TOM1L1: variants seen among roughly 807,000 people sequenced by gnomAD.
The protein encoded by TOM1L1 is target of myb1 like 1 membrane trafficking protein.
TOM1L1 carries 64 observed loss-of-function variants against 63.4 expected under a neutral mutation model. The observed-to-expected ratio is 1.01, with a 90% CI of 0.83 to 1.24. The LOEUF is 1.24. Ranked by LOEUF, TOM1L1 falls within the 50% of genes most tolerant of loss-of-function variation. The pLI, the probability that TOM1L1 is intolerant of heterozygous loss-of-function variation, is 0.00. For missense variants in TOM1L1, 536 were observed against 567.0 expected, an observed-to-expected ratio of 0.95 and a Z score of 0.55; for synonymous variants, 166 against 194.4, an observed-to-expected ratio of 0.85 and a Z score of 1.22.
Position 54,912,658 on chromosome 17 carries a change from TA to T in TOM1L1, c.223-6del. On this transcript the variant is annotated splice_region_variant and splice_polypyrimidine_tract_variant and intron_variant, in intron 3 of 15. Coordinates refer to ENST00000575882, the MANE Select transcript of TOM1L1 (RefSeq NM_005486.3). ...TAAATATAATGTTTAATTTTTTTTC[TA>T]ATTTAGCTTATTGACATGTGTGTGC... is the stretch of plus-strand genomic sequence containing the variant. 1 of 1,517,838 alleles carries T rather than the reference TA, an allele frequency of 6.6e-7. No individual in the cohort carries two copies. The allele number at this position is 1,517,838 out of a possible 1,614,324, so 94.0% of individuals were successfully genotyped here.
At chr17:54,902,708 G>A (rs573086887) in intron 1 of TOM1L1, among the ~76,000 whole-genome samples, 1 of 152,244 alleles carries the variant, frequency 6.6e-6, no homozygotes, top group Admixed American at 6.5e-5. Flanking sequence ...CCCAGAACCC[G>A]GTGTTTTCAT....
chr17:54,909,718 C>T (rs2048467656), intron 3 of TOM1L1, among the ~76,000 whole-genome samples: 1 of 152,062 alleles, frequency 6.6e-6, no homozygotes, highest in Admixed American at 6.6e-5. Flanking sequence ...AGTGATTTGC[C>T]CAGCCAAGCC....
At chr17:54,942,032 G>A (rs2049039183) in intron 11 of TOM1L1, among the ~76,000 whole-genome samples, 1 of 152,080 alleles carries the variant, frequency 6.6e-6, no homozygotes, top group African/African-American at 2.4e-5. Context: ...GAAAAAGTGG[G>A]TGATGCAGTT....
intron 3 of TOM1L1, among the ~76,000 whole-genome samples, chr17:54,906,297 C>T (rs558267560): frequency 4.7e-4 from 72 of 152,152 alleles, no homozygotes; most frequent in Non-Finnish European, 7.1e-4. Flanking sequence ...GGTGAAACCC[C>T]GTCTCTACTA....
At chr17:54,954,232 A>C (rs1051687832) in intron 14 of TOM1L1, 6 of 152,222 alleles carry the variant, frequency 3.9e-5, no homozygotes, top group Admixed American at 1.3e-4. Context: ...CGGTCTGCAC[A>C]CCTGGCCAGG....
intron 15 of TOM1L1, 31 bp downstream of exon 15, chr17:54,960,658 C>A (rs2077097445): frequency 4.1e-5 from 60 of 1,473,102 alleles, no homozygotes; most frequent in Non-Finnish European, 5.6e-5. Flanking sequence ...AACTTAATTC[C>A]ATATTCCATA....
chr17:54,952,105 T>C (rs1168019721), intron 14 of TOM1L1: 2 of 152,182 alleles, frequency 1.3e-5, no homozygotes, highest in Non-Finnish European at 2.9e-5. Flanking sequence ...AGTTGAAATT[T>C]TTCTAATCTG....
chr17:54,935,175 A>G (rs2143885123), intron 8 of TOM1L1, among the ~76,000 whole-genome samples: 1 of 152,320 alleles, frequency 6.6e-6, no homozygotes, highest in South Asian at 2.1e-4. Flanking sequence ...AAAATGAGTC[A>G]GCAAAGGGAG....
intron 7 of TOM1L1, among the ~76,000 whole-genome samples, chr17:54,920,894 A>G (rs1032712148): frequency 2.0e-5 from 3 of 152,152 alleles, no homozygotes; most frequent in African/African-American, 7.2e-5. Context: ...AGGATGTAGT[A>G]AGGCTGTTAG....
rs2049125567 is a variant in TOM1L1, at chr17:54,946,742, G to T, written c.1131-519G>T. 1.3e-5 allele frequency among the ~76,000 whole-genome samples: 2 copies of T among 152,144 alleles called. 1 individual carries two copies. The highest frequency in any genetic ancestry group is 4.8e-5 in the African/African-American group (2 of 41,442). On this transcript the variant is annotated intron_variant, in intron 11 of 15. Coordinates refer to ENST00000575882, the MANE Select transcript of TOM1L1 (RefSeq NM_005486.3). ...TGCATTGCATTTGGTCAGGAAATAT[G>T]AAGAGGCAAAAAACGGTAAATTCAC... is the stretch of plus-strand genomic sequence containing the variant.
chr17:54,944,567 A>G (rs1368228891), intron 11 of TOM1L1, among the ~76,000 whole-genome samples: 3 of 152,018 alleles, frequency 2.0e-5, no homozygotes, highest in Non-Finnish European at 4.4e-5. Flanking sequence ...AATTTTCTTT[A>G]TCAGTTCTTT....
Position 54,913,781 on chromosome 17 carries a change from G to A in TOM1L1, c.406G>A (p.Val136Ile). ...ACAGGGCTTCCCAGGAGGTGTGGAT[G>A]TAAGCGAAGTCAAAGAAGTATACCT... is the stretch of plus-strand genomic sequence containing the variant. ...WSQGFPGGVD[V>I]SEVKEVYLDL... Residue 136 changes from valine to isoleucine, a missense_variant, in exon 5 of 16, where the codon GTA becomes ATA. Coordinates refer to ENST00000575882, the MANE Select transcript of TOM1L1 (RefSeq NM_005486.3). 1.2e-6 allele frequency: 2 copies of A among 1,608,940 alleles called. No homozygotes were observed.
At chr17:54,955,164 T>A (rs938192605) in intron 14 of TOM1L1, 1 of 152,192 alleles carries the variant, frequency 6.6e-6, no homozygotes, top group Non-Finnish European at 1.5e-5. Context: ...TCTGGTCCTC[T>A]TTGCTGGCCA....
chr17:54,955,867 G>A (rs747780613), intron 14 of TOM1L1, among the ~76,000 whole-genome samples: 5 of 152,172 alleles, frequency 3.3e-5, no homozygotes, highest in African/African-American at 9.7e-5. Flanking sequence ...CTAGGCAGCC[G>A]CTTCTACTCT....
Position 54,936,714 on chromosome 17 carries a change from G to A in TOM1L1, c.915+5G>A, listed in dbSNP as rs1171579339. 1.2e-6 allele frequency: 2 copies of A among 1,603,032 alleles called. No individual in the cohort carries two copies. The highest frequency in any genetic ancestry group is 1.7e-6 in the Non-Finnish European group (2 of 1,176,688). On this transcript the variant is annotated splice_donor_5th_base_variant and intron_variant, in intron 9 of 15. Transcript: ENST00000575882. ...AACCAGAAGGAAGCCACCAATGTAAGTGATGAGAAATGTTATAAAATAAAC... is the reference window on the plus strand; with the variant it reads ...AACCAGAAGGAAGCCACCAATGTAAATGATGAGAAATGTTATAAAATAAAC...
rs372776781 is a variant in TOM1L1 at position 54,958,748 on chromosome 17, A to AAAAAAAGG, written c.1371-1818_1371-1817insAAAAAAGG. Among the ~76,000 whole-genome samples the AAAAAAAGG allele has an allele frequency of 7.4e-4, 88 of 118,902 alleles. 2 individuals are homozygous for AAAAAAAGG. Among genetic ancestry groups the AAAAAAAGG allele is most frequent in the Non-Finnish European group, 9.7e-4 (56 of 57,720 alleles). 78.0% of individuals were successfully genotyped at this position (118,902 alleles called of 152,430 possible). ...TCCATCTCAAAAAAAAAAAAAAAAA[A>AAAAAAAGG]GGGGTTGTTGGTAGCTAGAGGATAC... On this transcript the variant is annotated intron_variant, in intron 14 of 15. Coordinates refer to ENST00000575882, the MANE Select transcript of TOM1L1 (RefSeq NM_005486.3).
chr17:54,908,032 T>C (rs955535087), intron 3 of TOM1L1, among the ~76,000 whole-genome samples: 6 of 152,122 alleles, frequency 3.9e-5, no homozygotes, highest in Admixed American at 2.6e-4. Context: ...CTGTTTCTCT[T>C]TGGGCTTCCA....
chr17:54,942,451 T>C (rs2049047716), intron 11 of TOM1L1: 2 of 152,110 alleles, frequency 1.3e-5, no homozygotes, highest in African/African-American at 4.8e-5. Context: ...GGCAACAAGC[T>C]AAGAAGTATA....
chr17:54,928,763 C>T (rs539432756), intron 7 of TOM1L1, among the ~76,000 whole-genome samples: 4 of 152,212 alleles, frequency 2.6e-5, no homozygotes, highest in African/African-American at 9.6e-5. Context: ...TTTTTCTGGC[C>T]GCATGTTGCA....
Sources: gnomAD v4.1 joint callset for allele counts (sites outside exome capture counted in the v4.1 genomes callset) on GRCh38, gnomAD v4.1.1 for gene constraint, MANE v1.5 for transcripts, NCBI Gene and HGNC (gene_info 2026-07-23, HGNC 2026-07-21) for gene names.